Variants in GRIN2B observed in about 807,000 individuals in gnomAD.
The protein encoded by GRIN2B is glutamate ionotropic receptor NMDA type subunit 2B.
In GRIN2B, 5 loss-of-function variants were observed where a neutral mutation model predicts 114.5. The observed-to-expected ratio is 0.04, with a 90% CI of 0.02 to 0.09. The LOEUF (loss-of-function observed/expected upper bound fraction) is 0.09, where lower values mean the gene tolerates loss of function less well. Ranked by LOEUF, GRIN2B falls within the 10% of genes least tolerant of loss-of-function variation. The pLI, the probability that GRIN2B is intolerant of heterozygous loss-of-function variation, is 1.00. For synonymous variants in GRIN2B, 787 were observed against 745.1 expected (o/e 1.06, Z -0.92); for missense variants, 1,108 against 1,943.5 (o/e 0.57, Z 8.08).
intron 3 of GRIN2B, 40 bp downstream of exon 3, chr12:13,865,758 C>A: frequency 6.6e-7 from 1 of 1,512,176 alleles, no homozygotes; most frequent in Non-Finnish European, 9.2e-7. Flanking sequence ...TAGTCCTCAG[C>A]ACAAACCCTC....
chr12:13,737,553 C>T (rs551198989), intron 4 of GRIN2B, among the ~76,000 whole-genome samples: 22 of 152,168 alleles, frequency 1.4e-4, no homozygotes, highest in East Asian at 5.8e-4. Flanking sequence ...TGAAGTTTGG[C>T]GAACAGGCAC....
chr12:13,767,861 G>C (rs1863828187), intron 3 of GRIN2B, among the ~76,000 whole-genome samples: 1 of 152,152 alleles, frequency 6.6e-6, no homozygotes. Context: ...CATAGTATTA[G>C]TAACCTAGTT....
At chr12:13,637,271 A>G (rs1949674447) in intron 5 of GRIN2B, among the ~76,000 whole-genome samples, 1 of 152,196 alleles carries the variant, frequency 6.6e-6, no homozygotes, top group African/African-American at 2.4e-5. Flanking sequence ...ATGCAAGAAG[A>G]GGAATTAATC....
chr12:13,608,498 C>T (rs186373738), intron 10 of GRIN2B, 105 bp downstream of exon 10: 442 of 785,116 alleles, frequency 5.6e-4, no homozygotes, highest in Non-Finnish European at 3.8e-4. Flanking sequence ...TAAGAAAGAA[C>T]GGTCAATTCC....
At chr12:13,774,050 C>A (rs1863955873) in intron 3 of GRIN2B, among the ~76,000 whole-genome samples, 1 of 152,206 alleles carries the variant, frequency 6.6e-6, no homozygotes, top group Admixed American at 6.5e-5. Context: ...TAGAAGCAGG[C>A]TGACCCATGG....
chr12:13,648,964 A>G (rs1949789140), intron 5 of GRIN2B, among the ~76,000 whole-genome samples: 1 of 152,060 alleles, frequency 6.6e-6, no homozygotes. Context: ...AAAGAGGGAT[A>G]AGAAGAAATA....
chr12:13,878,732 G>A (rs1053111588), intron 2 of GRIN2B, among the ~76,000 whole-genome samples: 26 of 152,280 alleles, frequency 1.7e-4, no homozygotes, highest in African/African-American at 5.5e-4. Flanking sequence ...GAGCAGCATC[G>A]TAAGCAGCAA....
intron 3 of GRIN2B, among the ~76,000 whole-genome samples, chr12:13,842,326 G>T (rs1327350218): frequency 1.3e-5 from 2 of 152,162 alleles, no homozygotes; most frequent in Non-Finnish European, 2.9e-5. Context: ...CAGCAGTTTT[G>T]ATATGCATTA....
Position 13,874,614 on chromosome 12 carries a change from T to C in GRIN2B, c.-18-8388A>G, listed in dbSNP as rs566107282. On this transcript the variant is annotated intron_variant, in intron 2 of 13. Transcript: ENST00000609686. ...TGTGGGCACTGCTGAAATCCAAACC[T>C]TTTGAAACCTGATTCTGATTATTAC... is the stretch of plus-strand genomic sequence containing the variant. Among the ~76,000 whole-genome samples the C allele has an allele frequency of 2.1e-3, 314 of 152,348 alleles. 3 individuals carry two copies. Among genetic ancestry groups the C allele is most frequent in the South Asian group, 4.8e-3 (23 of 4,822 alleles).
chr12:13,962,596 G>A (rs1867714045), intron 2 of GRIN2B, among the ~76,000 whole-genome samples: 1 of 152,196 alleles, frequency 6.6e-6, no homozygotes, highest in Non-Finnish European at 1.5e-5. Context: ...CAAAATGTCT[G>A]TTTGCCACCA....
rs1949233806 is a variant in GRIN2B at position 13,605,551 on chromosome 12, TGACACACACACACA to T, written c.2010+3038_2010+3051del. Among the ~76,000 whole-genome samples the T allele has an allele frequency of 7.9e-3, 241 of 30,492 alleles. 2 individuals carry two copies. Among genetic ancestry groups the T allele is most frequent in the African/African-American group, 0.024 (231 of 9,678 alleles). The allele number at this position is 30,492 out of a possible 152,430, so 20.0% of individuals were successfully genotyped here. A position where few individuals can be genotyped will look rare whatever the true frequency, so the allele number is the denominator to read the frequency against. Reference sequence around the variant, plus strand: ...CTCTCTCTCTCTCTCTCTCTCTCTCTGACACACACACACACACACACACACACACACACCTGTCT... The same window carrying T: ...CTCTCTCTCTCTCTCTCTCTCTCTCTCACACACACACACACACACCTGTCT... On this transcript the variant is annotated intron_variant, in intron 10 of 13. Coordinates refer to ENST00000609686, the MANE Select transcript of GRIN2B (RefSeq NM_000834.5).
chr12:13,689,001 T>G (rs1310203298), intron 4 of GRIN2B, among the ~76,000 whole-genome samples: 1 of 152,218 alleles, frequency 6.6e-6, no homozygotes, highest in East Asian at 1.9e-4. Context: ...TTCTCCTCCT[T>G]CATCTGTGAT....
rs951427832 is a variant in GRIN2B, at chr12:13,675,733, G to A, written c.1125+12C>T. On this transcript the variant is annotated intron_variant, in intron 5 of 13. Transcript: ENST00000609686. The stretch of plus-strand genomic sequence containing the variant: ...TCTACTTTGCTCAAGAATTGTCAAA[G>A]ACATGTCTTACCCTTTCCCACTTCC... The A allele has an allele frequency of 1.2e-5, 18 of 1,487,122 alleles. No individual in the cohort carries two copies. Among genetic ancestry groups the A allele is most frequent in the Non-Finnish European group, 1.7e-5 (18 of 1,064,228 alleles). The allele number at this position is 1,487,122 out of a possible 1,614,324, so 92.1% of individuals were successfully genotyped here. A position where few individuals can be genotyped will look rare whatever the true frequency, so the allele number is the denominator to read the frequency against.
At chr12:13,661,852 C>A (rs1949926860) in intron 5 of GRIN2B, among the ~76,000 whole-genome samples, 1 of 152,086 alleles carries the variant, frequency 6.6e-6, no homozygotes, top group African/African-American at 2.4e-5. Context: ...TTTTAGAAAC[C>A]AATTTAATCT....
chr12:13,700,334 A>G (rs775875345), intron 4 of GRIN2B, among the ~76,000 whole-genome samples: 13 of 152,198 alleles, frequency 8.5e-5, no homozygotes, highest in African/African-American at 1.9e-4. Flanking sequence ...CGAAAAACCA[A>G]CTTGAGGTGA....
At chr12:13,944,009 A>G (rs1867317837) in intron 2 of GRIN2B, among the ~76,000 whole-genome samples, 6 of 152,204 alleles carry the variant, frequency 3.9e-5, no homozygotes, top group Admixed American at 1.3e-4. Flanking sequence ...ATAAATGAGC[A>G]TAAATCCCTT....
At chr12:13,806,087 T>G (rs902121220) in intron 3 of GRIN2B, among the ~76,000 whole-genome samples, 1 of 152,192 alleles carries the variant, frequency 6.6e-6, no homozygotes, top group Non-Finnish European at 1.5e-5. Context: ...TGAATAGTAT[T>G]CCATTGTATA....
At chr12:13,832,794 T>C (rs1404272166) in intron 3 of GRIN2B, among the ~76,000 whole-genome samples, 2 of 152,176 alleles carry the variant, frequency 1.3e-5, no homozygotes, top group South Asian at 2.1e-4. Context: ...TGCATTGTCA[T>C]AGGATCAATT....
chr12:13,808,746 A>ATATAT, intron 3 of GRIN2B, among the ~76,000 whole-genome samples: 1 of 40,420 alleles, frequency 2.5e-5, no homozygotes, highest in African/African-American at 8.4e-5. Flanking sequence ...AGTATAATAA[A>ATATAT]AAAAAAATAT....
Sources: allele counts gnomAD v4.1 joint callset (sites outside exome capture counted in the v4.1 genomes callset), GRCh38; gene constraint gnomAD v4.1.1; transcripts MANE v1.5; gene names NCBI Gene and HGNC (gene_info 2026-07-23, HGNC 2026-07-21).